The following HS6ST3 variants were observed in gnomAD, a reference collection of about 807,000 sequenced individuals.
HS6ST3 encodes heparan-sulfate 6-O-sulfotransferase 3.
A neutral mutation model predicts 36.7 loss-of-function variants in HS6ST3; 12 were observed. The observed-to-expected ratio is 0.33, with a 90% CI of 0.21 to 0.53. HS6ST3 has a LOEUF of 0.53. HS6ST3 is among the 20% of genes least tolerant of loss of function. HS6ST3 has a pLI of 0.95. For missense variants in HS6ST3, 584 were observed against 640.9 expected (o/e 0.91, Z 0.96); for synonymous variants, 240 against 257.5 (o/e 0.93, Z 0.65).
intron 1 of HS6ST3, among the ~76,000 whole-genome samples, chr13:96,117,751 A>G (rs2053900375): frequency 6.6e-6 from 1 of 152,222 alleles, no homozygotes; most frequent in South Asian, 2.1e-4. Flanking sequence ...AGACTGCATG[A>G]ATCTAGAAAA....
chr13:96,700,084 C>A (rs1303478482), intron 1 of HS6ST3, among the ~76,000 whole-genome samples: 1 of 152,082 alleles, frequency 6.6e-6, no homozygotes, highest in Non-Finnish European at 1.5e-5. Context: ...TCAGTGTATA[C>A]CTTAGACAGC....
At chr13:96,255,092 A>C (rs80329240) in intron 1 of HS6ST3, among the ~76,000 whole-genome samples, 1,750 of 152,312 alleles carry the variant, frequency 0.011, 36 homozygotes, top group African/African-American at 0.04. Flanking sequence ...AACCTTTTCA[A>C]AATTTATTCA....
chr13:96,551,130 C>T (rs1168031570), intron 1 of HS6ST3, among the ~76,000 whole-genome samples: 1 of 152,102 alleles, frequency 6.6e-6, no homozygotes, highest in Admixed American at 6.5e-5. Flanking sequence ...TTGAAGCTTC[C>T]TGAAAACCAA....
At chr13:96,589,010 C>T (rs969068296) in intron 1 of HS6ST3, among the ~76,000 whole-genome samples, 1 of 147,128 alleles carries the variant, frequency 6.8e-6, no homozygotes, top group Non-Finnish European at 1.5e-5. Flanking sequence ...AAGATAGCAC[C>T]ACTGCACTCC....
chr13:96,135,834 A>T (rs1044440645), intron 1 of HS6ST3, among the ~76,000 whole-genome samples: 3 of 152,082 alleles, frequency 2.0e-5, no homozygotes, highest in African/African-American at 7.2e-5. Flanking sequence ...GGACAGAAGA[A>T]CCACTACCAC....
chr13:96,489,209 C>T lies in HS6ST3; in HGVS notation c.708-343281C>T, dbSNP rs114407118. On this transcript the variant is annotated intron_variant, in intron 1 of 1. Coordinates refer to ENST00000376705, the MANE Select transcript of HS6ST3 (RefSeq NM_153456.4). ...AAAAGCATTTAAGGTTATAATTTAACATTATATTTTTAACTTTTACCAAGG... is the reference window on the plus strand; with the variant it reads ...AAAAGCATTTAAGGTTATAATTTAATATTATATTTTTAACTTTTACCAAGG... Among the ~76,000 whole-genome samples, 478 of 151,980 alleles carry T rather than the reference C, an allele frequency of 3.1e-3. 1 individual carries two copies. The highest frequency in any genetic ancestry group is 0.011 in the African/African-American group (457 of 41,516).
chr13:96,363,022 G>A (rs2055245950), intron 1 of HS6ST3, among the ~76,000 whole-genome samples: 2 of 152,094 alleles, frequency 1.3e-5, no homozygotes, highest in Admixed American at 1.3e-4. Context: ...ATGGGAGAGG[G>A]AGGTCATGAT....
At chr13:96,693,757 G>C (rs1875044471) in intron 1 of HS6ST3, among the ~76,000 whole-genome samples, 1 of 152,172 alleles carries the variant, frequency 6.6e-6, no homozygotes, top group East Asian at 1.9e-4. Context: ...GTTCAAGCTG[G>C]AATGGAACAC....
At chr13:96,653,864 C>A (rs1293998047) in intron 1 of HS6ST3, among the ~76,000 whole-genome samples, 1 of 152,182 alleles carries the variant, frequency 6.6e-6, no homozygotes, top group Non-Finnish European at 1.5e-5. Flanking sequence ...TCCTCTCAAG[C>A]ATCTGTTGTT....
chr13:96,395,270 G>A (rs1361841744), intron 1 of HS6ST3, among the ~76,000 whole-genome samples: 1 of 152,188 alleles, frequency 6.6e-6, no homozygotes, highest in Non-Finnish European at 1.5e-5. Flanking sequence ...CAGCATCCCT[G>A]TGAAGTTTCC....
chr13:96,494,228 T>C (rs2055961277), intron 1 of HS6ST3, among the ~76,000 whole-genome samples: 2 of 151,792 alleles, frequency 1.3e-5, no homozygotes, highest in Admixed American at 1.3e-4. Flanking sequence ...AAATGATGAG[T>C]TCATATCCTT....
intron 1 of HS6ST3, among the ~76,000 whole-genome samples, chr13:96,600,329 T>TACACACACACAC (rs34142366): frequency 1.0e-4 from 15 of 145,974 alleles, no homozygotes; most frequent in African/African-American, 3.8e-4. Flanking sequence ...TGGAGTTAGG[T>TACACACACACAC]ACACACACAC....
At chr13:96,534,254 A>T (rs140651573) in intron 1 of HS6ST3, among the ~76,000 whole-genome samples, 34 of 152,302 alleles carry the variant, frequency 2.2e-4, no homozygotes, top group African/African-American at 7.9e-4. Context: ...ATGGATGCTC[A>T]TGGAACTCAG....
At chr13:96,631,865 TCAGAGACTCAATGCC>T (rs2056533161) in intron 1 of HS6ST3, among the ~76,000 whole-genome samples, 1 of 152,150 alleles carries the variant, frequency 6.6e-6, no homozygotes, top group Non-Finnish European at 1.5e-5. Flanking sequence ...GAAATCAAAA[TCAGAGACTCAATGCC>T]AAAGCAGGGT....
At chr13:96,602,229 C>T (rs1410567138) in intron 1 of HS6ST3, among the ~76,000 whole-genome samples, 1 of 152,048 alleles carries the variant, frequency 6.6e-6, no homozygotes, top group East Asian at 1.9e-4. Flanking sequence ...ACTGAGCTTC[C>T]TTAAAATAGT....
At chr13:96,635,462 G>T (rs941823422) in intron 1 of HS6ST3, among the ~76,000 whole-genome samples, 3 of 151,976 alleles carry the variant, frequency 2.0e-5, no homozygotes, top group Middle Eastern at 3.2e-3. Flanking sequence ...ACTAACTCTT[G>T]ACTTGATACC....
chr13:96,393,936 C>T (rs529562735), intron 1 of HS6ST3, among the ~76,000 whole-genome samples: 3 of 152,196 alleles, frequency 2.0e-5, no homozygotes, highest in South Asian at 2.1e-4. Context: ...TGCTAGTGAT[C>T]GTTTTTAGCT....
intron 1 of HS6ST3, among the ~76,000 whole-genome samples, chr13:96,697,055 A>C (rs529374): frequency 0.015 from 2,269 of 152,218 alleles, 54 homozygotes; most frequent in African/African-American, 0.051. Flanking sequence ...TAATAACTAT[A>C]ACTATTATAT....
chr13:96,489,745 A>T lies in HS6ST3; in HGVS notation c.708-342745A>T, dbSNP rs559151586. On this transcript the variant is annotated intron_variant, in intron 1 of 1. Coordinates refer to ENST00000376705, the MANE Select transcript of HS6ST3 (RefSeq NM_153456.4). ...CATTTCACATTTATTAAGTTGTTTAAATCATACACTCATGCACACACATGC... is the reference window on the plus strand; with the variant it reads ...CATTTCACATTTATTAAGTTGTTTATATCATACACTCATGCACACACATGC... Among the ~76,000 whole-genome samples the T allele has an allele frequency of 9.5e-4, 145 of 152,216 alleles. 1 individual carries two copies. The highest frequency in any genetic ancestry group is 3.4e-3 in the African/African-American group (140 of 41,554).
Sources: allele counts gnomAD v4.1 joint callset (sites outside exome capture counted in the v4.1 genomes callset), GRCh38; gene constraint gnomAD v4.1.1; transcripts MANE v1.5; gene names NCBI Gene and HGNC (gene_info 2026-07-23, HGNC 2026-07-21).